Variants in ATP2B2 observed in about 807,000 individuals in gnomAD.
ATP2B2 encodes plasma membrane calcium-transporting ATPase 2.
ATP2B2 carries 15 observed loss-of-function variants against 120.0 expected under a neutral mutation model. The observed-to-expected ratio is 0.12, with a 90% confidence interval of 0.08 to 0.19. The LOEUF is 0.19. Among genes scored for constraint, ATP2B2 ranks in the 10% least tolerant of loss-of-function variants. ATP2B2 has a pLI of 1.00. For synonymous variants in ATP2B2, 694 were observed against 700.3 expected, an observed-to-expected ratio of 0.99 and a Z score of 0.14; for missense variants, 1,045 against 1,719.8, an observed-to-expected ratio of 0.61 and a Z score of 6.94.
At chr3:10,610,868 C>A (rs1243027552) in intron 2 of ATP2B2, among the ~76,000 whole-genome samples, 11 of 152,314 alleles carry the variant, frequency 7.2e-5, no homozygotes, top group Admixed American at 4.6e-4. Flanking sequence ...ACCCCTGCAG[C>A]CCTGGCATGC....
chr3:10,359,231 C>T (rs548135839), intron 13 of ATP2B2, among the ~76,000 whole-genome samples: 5 of 152,226 alleles, frequency 3.3e-5, no homozygotes, highest in Non-Finnish European at 7.3e-5. Context: ...ACCCTGCCTG[C>T]ACATTAGAAT....
chr3:10,686,043 C>CTTTTTTTTTTTTTTTTTTTTTTTTTT (rs34073958), intron 1 of ATP2B2, among the ~76,000 whole-genome samples: 19 of 93,214 alleles, frequency 2.0e-4, no homozygotes, highest in African/African-American at 7.4e-4. Flanking sequence ...TTCCTCCTTT[C>CTTTTTTTTTTTTTTTTTTTTTTTTTT]TTTTTTTTTT....
chr3:10,449,430 C>T lies in ATP2B2; in HGVS notation c.114G>A (p.Arg38=), dbSNP rs1395951998. The change falls in exon 2 of 23, where the codon CGG becomes CGA. Residue 38 remains arginine (R), a synonymous_variant. Transcript: ENST00000360273. ...TGATCTTGACCACAGCCTCAGTGCC[C>T]CGCAGCTCCATGAGGGAGCGGAGCT... The part of the protein sequence containing the change: ...MEELRSLMEL[R]GTEAVVKIKE... The T allele has an allele frequency of 1.2e-6, 2 of 1,614,222 alleles. No homozygotes were observed. Among genetic ancestry groups the T allele is most frequent in the South Asian group, 1.1e-5 (1 of 91,082 alleles).
intron 1 of ATP2B2, among the ~76,000 whole-genome samples, chr3:10,453,695 G>T (rs1224642391): frequency 1.3e-5 from 2 of 152,202 alleles, no homozygotes; most frequent in Non-Finnish European, 2.9e-5. Flanking sequence ...TACAGGCACT[G>T]ATAATTACGT....
intron 22 of ATP2B2, among the ~76,000 whole-genome samples, chr3:10,330,675 G>A (rs912568664): frequency 2.6e-5 from 4 of 152,236 alleles, no homozygotes; most frequent in Admixed American, 1.3e-4. Flanking sequence ...CGAGACGGTC[G>A]TGGGGAGGCC....
chr3:10,504,564 C>A (rs1431954535), intron 1 of ATP2B2, among the ~76,000 whole-genome samples: 1 of 150,702 alleles, frequency 6.6e-6, no homozygotes, highest in African/African-American at 2.4e-5. Context: ...TCCAGAGCAC[C>A]CCCCCAACCC....
At chr3:10,435,861 A>G (rs926890778) in intron 2 of ATP2B2, among the ~76,000 whole-genome samples, 4 of 152,344 alleles carry the variant, frequency 2.6e-5, no homozygotes, top group East Asian at 1.9e-4. Flanking sequence ...AAGAAATAAA[A>G]AAGATATTAT....
At chr3:10,361,767 G>GGTC (rs1284272464) in intron 12 of ATP2B2, among the ~76,000 whole-genome samples, 2 of 152,174 alleles carry the variant, frequency 1.3e-5, no homozygotes, top group Non-Finnish European at 2.9e-5. Flanking sequence ...CTGCCATGTG[G>GGTC]GTCTTTCTTC....
At chr3:10,642,539 G>A (rs7615831) in intron 1 of ATP2B2, among the ~76,000 whole-genome samples, 14 of 151,914 alleles carry the variant, frequency 9.2e-5, no homozygotes, top group Non-Finnish European at 1.5e-4. Flanking sequence ...ACCCACACAC[G>A]TACACACAAT....
intron 2 of ATP2B2, among the ~76,000 whole-genome samples, chr3:10,444,609 T>C (rs1345480418): frequency 6.6e-6 from 1 of 152,048 alleles, no homozygotes; most frequent in African/African-American, 2.4e-5. Flanking sequence ...CCCATCTTTG[T>C]CCCCCTTATC....
chr3:10,366,243 C>G (rs1009464882), intron 12 of ATP2B2, among the ~76,000 whole-genome samples: 4 of 152,174 alleles, frequency 2.6e-5, no homozygotes, highest in Non-Finnish European at 4.4e-5. Context: ...CTGCTTCCCC[C>G]CTTCCCCTTT....
chr3:10,349,991 GGA>G, intron 16 of ATP2B2, 119 bp downstream of exon 16: 1 of 988,194 alleles, frequency 1.0e-6, no homozygotes, highest in Non-Finnish European at 1.5e-6. Flanking sequence ...GCCCAGGTGT[GGA>G]GAGTCAGGGG....
At chr3:10,551,089 C>T (rs1040280174) in intron 2 of ATP2B2, among the ~76,000 whole-genome samples, 2 of 152,150 alleles carry the variant, frequency 1.3e-5, no homozygotes, top group Non-Finnish European at 2.9e-5. Context: ...CTGGCCTGGG[C>T]GAATGTTTTA....
intron 2 of ATP2B2, among the ~76,000 whole-genome samples, chr3:10,424,872 T>C (rs2063097979): frequency 6.6e-6 from 1 of 152,216 alleles, no homozygotes; most frequent in African/African-American, 2.4e-5. Flanking sequence ...TGACTATATA[T>C]ATGTAAATGT....
At chr3:10,564,679 A>C (rs1241244455) in intron 2 of ATP2B2, among the ~76,000 whole-genome samples, 1 of 152,072 alleles carries the variant, frequency 6.6e-6, no homozygotes, top group Admixed American at 6.5e-5. Flanking sequence ...CTACTCCTTT[A>C]TGTGCCACTT....
Position 10,346,168 on chromosome 3 carries a change from G to A in ATP2B2, c.2405-31C>T. 6.2e-7 allele frequency: 1 copy of A among 1,603,184 alleles called. No individual in the cohort carries two copies. On this transcript the variant is annotated intron_variant, in intron 16 of 22. Transcript: ENST00000360273. This position sits in a 1 kb window ranked among gnomAD's most constrained non-coding sequence, Gnocchi z 4.1. ...GGGGCAGGAGTGTGCTCAGGCCCTG[G>A]GCCACTCAGGTGGGAGGCAGCCTGG... is the stretch of plus-strand genomic sequence containing the variant.
chr3:10,521,714 T>C (rs1385699521), intron 3 of ATP2B2, among the ~76,000 whole-genome samples: 1 of 152,204 alleles, frequency 6.6e-6, no homozygotes, highest in African/African-American at 2.4e-5. Flanking sequence ...GATTGTGAAC[T>C]CCTTAGGGAG....
intron 2 of ATP2B2, among the ~76,000 whole-genome samples, chr3:10,567,991 T>G (rs2068045265): frequency 6.6e-6 from 1 of 152,194 alleles, no homozygotes; most frequent in Non-Finnish European, 1.5e-5. Context: ...TATATCCTGT[T>G]TGGCCAACTC....
At chr3:10,481,280 T>C (rs1017008940) in intron 1 of ATP2B2, among the ~76,000 whole-genome samples, 4 of 152,184 alleles carry the variant, frequency 2.6e-5, no homozygotes, top group African/African-American at 7.2e-5. Flanking sequence ...TCCCAATGAA[T>C]CCAACTGGCT....
Sources: gnomAD v4.1 joint callset for allele counts (sites outside exome capture counted in the v4.1 genomes callset) on GRCh38, gnomAD v4.1.1 for gene constraint, Gnocchi (gnomAD v3.1) non-coding constraint, MANE v1.5 for transcripts, NCBI Gene and HGNC (gene_info 2026-07-23, HGNC 2026-07-21) for gene names.